The following AOPEP variants were observed in gnomAD, a reference collection of about 807,000 sequenced individuals.
AOPEP encodes the protein aminopeptidase O.
In AOPEP, 77 loss-of-function variants were observed where a neutral mutation model predicts 98.1. The observed-to-expected ratio is 0.78, with a 90% confidence interval of 0.65 to 0.95. The LOEUF is 0.95. AOPEP is among the 40% of genes least tolerant of loss of function. AOPEP has a pLI of 0.00. For missense variants in AOPEP, 1,024 were observed against 1,024.7 expected (o/e 1.00, Z 0.01); for synonymous variants, 346 against 365.3 (o/e 0.95, Z 0.60).
At chr9:95,101,934 C>T in the AOPEP span, 1 of 1,521,822 alleles carries the variant, frequency 6.6e-7, no homozygotes, top group South Asian at 1.1e-5. Flanking sequence ...CATAACCACC[C>T]AGTCCCTGAA....
intron 5 of AOPEP, among the ~76,000 whole-genome samples, chr9:94,818,766 G>A (rs1852264168): frequency 6.6e-6 from 1 of 152,156 alleles, no homozygotes; most frequent in Non-Finnish European, 1.5e-5. Flanking sequence ...AGGCTGAGGT[G>A]GGCGGATCAC....
At chr9:94,836,307 G>A (rs943723776) in intron 5 of AOPEP, among the ~76,000 whole-genome samples, 2 of 152,132 alleles carry the variant, frequency 1.3e-5, no homozygotes, top group African/African-American at 4.8e-5. Flanking sequence ...CTAGCAAATT[G>A]GCTTTATAAT....
At chr9:94,846,074 G>A (rs941511204) in intron 5 of AOPEP, among the ~76,000 whole-genome samples, 3 of 149,756 alleles carry the variant, frequency 2.0e-5, no homozygotes, top group Admixed American at 6.7e-5. Flanking sequence ...CAGCCTGGGC[G>A]ATGAGAGCGA....
At chr9:94,921,361 T>C (rs1051049325) in intron 5 of AOPEP, 1 of 152,294 alleles carries the variant, frequency 6.6e-6, no homozygotes, top group South Asian at 2.1e-4. Context: ...AGTGCAGTGT[T>C]TTACAGGTCC....
At chr9:94,747,680 G>A (rs988180465) in intron 1 of AOPEP, among the ~76,000 whole-genome samples, 3 of 152,188 alleles carry the variant, frequency 2.0e-5, no homozygotes, top group Non-Finnish European at 2.9e-5. Flanking sequence ...TGTTTAAAAT[G>A]ACATCAGCTT....
intron 10 of AOPEP, among the ~76,000 whole-genome samples, chr9:94,977,073 A>T (rs1002610684): frequency 2.6e-5 from 4 of 152,208 alleles, no homozygotes. Context: ...CTCTGGCTGG[A>T]AAGGAAGCCA....
intron 13 of AOPEP, among the ~76,000 whole-genome samples, chr9:95,037,735 G>A (rs975579974): frequency 6.6e-6 from 1 of 152,208 alleles, no homozygotes; most frequent in Non-Finnish European, 1.5e-5. Context: ...TGGGCCTTCA[G>A]CTGCTCTTGG....
At chr9:94,757,102 T>TG (rs1181206932) in intron 1 of AOPEP, among the ~76,000 whole-genome samples, 6 of 152,216 alleles carry the variant, frequency 3.9e-5, no homozygotes, top group African/African-American at 1.2e-4. Flanking sequence ...TGGGATTCAG[T>TG]GGGGCAGAAT....
At chr9:95,077,068 G>A (rs1480300351) in intron 14 of AOPEP, among the ~76,000 whole-genome samples, 1 of 152,146 alleles carries the variant, frequency 6.6e-6, no homozygotes, top group African/African-American at 2.4e-5. Context: ...GAGGGGGAGG[G>A]GACACTATCT....
At chr9:94,855,679 G>A (rs149946579) in intron 5 of AOPEP, among the ~76,000 whole-genome samples, 4,517 of 152,070 alleles carry the variant, frequency 0.03, 229 homozygotes, top group African/African-American at 0.1. Context: ...CAACAAGAAC[G>A]AAACTCTGTC....
intron 6 of AOPEP, among the ~76,000 whole-genome samples, chr9:94,927,798 C>T (rs996323513): frequency 5.3e-5 from 8 of 152,346 alleles, no homozygotes; most frequent in South Asian, 4.1e-4. Flanking sequence ...CGTGGATAGA[C>T]GTCTTCCCTC....
At chr9:94,945,749 C>T (rs16911862) in intron 7 of AOPEP, among the ~76,000 whole-genome samples, 3,959 of 152,276 alleles carry the variant, frequency 0.026, 76 homozygotes, top group Admixed American at 0.062. Flanking sequence ...GTGTTCAAAA[C>T]GGGCTTCGAG....
intron 5 of AOPEP, among the ~76,000 whole-genome samples, chr9:94,860,765 A>C (rs933524972): frequency 8.5e-5 from 13 of 152,146 alleles, no homozygotes; most frequent in Admixed American, 3.3e-4. Flanking sequence ...TTAGGAGAAA[A>C]GATTCTGAGT....
intron 1 of AOPEP, among the ~76,000 whole-genome samples, chr9:94,734,209 G>T (rs115419430): frequency 2.0e-5 from 3 of 152,156 alleles, no homozygotes; most frequent in Non-Finnish European, 2.9e-5. Context: ...ATCCTAGGGT[G>T]GGGGAGCTTG....
At chr9:95,006,496 G>A (rs2062031437) in intron 13 of AOPEP, among the ~76,000 whole-genome samples, 1 of 152,164 alleles carries the variant, frequency 6.6e-6, no homozygotes, top group Non-Finnish European at 1.5e-5. Context: ...CAGCGTCCGA[G>A]AATGTGCACA....
At chr9:95,126,194 G>A in the AOPEP span, among the ~76,000 whole-genome samples, 1 of 152,190 alleles carries the variant, frequency 6.6e-6, no homozygotes, top group Non-Finnish European at 1.5e-5. Flanking sequence ...ACATGGTGAA[G>A]GGAGTATATT....
At chr9:94,756,821 C>G (rs987054151) in intron 1 of AOPEP, among the ~76,000 whole-genome samples, 9 of 152,054 alleles carry the variant, frequency 5.9e-5, no homozygotes, top group African/African-American at 2.2e-4. Flanking sequence ...TCCTCCAGGC[C>G]TTAAGTCTTA....
intron 3 of AOPEP, among the ~76,000 whole-genome samples, chr9:94,779,649 A>C (rs1842868237): frequency 1.3e-5 from 2 of 151,700 alleles, no homozygotes; most frequent in South Asian, 4.1e-4. Context: ...TCAAATTTAT[A>C]ATTTATAATT....
chr9:94,976,021 A>G (rs1235148061), intron 10 of AOPEP, among the ~76,000 whole-genome samples: 1 of 152,124 alleles, frequency 6.6e-6, no homozygotes, highest in East Asian at 1.9e-4. Context: ...TGGCCTTCTT[A>G]GGAAGCCTCT....
Sources: allele counts gnomAD v4.1 joint callset (sites outside exome capture counted in the v4.1 genomes callset), GRCh38; gene constraint gnomAD v4.1.1; transcripts MANE v1.5; gene names NCBI Gene and HGNC (gene_info 2026-07-23, HGNC 2026-07-21).